The following ZNF398 variants were observed in gnomAD, a reference collection of about 807,000 sequenced individuals.
ZNF398 encodes zinc finger DNA binding protein ZER6.
A neutral mutation model predicts 41.9 loss-of-function variants in ZNF398; 18 were observed. That is an observed-to-expected ratio of 0.43 (90% CI 0.30 to 0.64). The LOEUF (loss-of-function observed/expected upper bound fraction) is 0.64. Among genes scored for constraint, ZNF398 ranks in the 30% least tolerant of loss-of-function variants. ZNF398 has a pLI of 0.14. For synonymous variants in ZNF398, 260 were observed against 308.8 expected, an observed-to-expected ratio of 0.84 and a Z score of 1.66; for missense variants, 669 against 822.8, an observed-to-expected ratio of 0.81 and a Z score of 2.29.
chr7:149,153,957 G>T lies in ZNF398; in HGVS notation c.37G>T (p.Asp13Tyr). 1.2e-6 allele frequency: 2 copies of T among 1,610,910 alleles called. No homozygotes were observed. The highest frequency in any genetic ancestry group is 1.7e-6 in the Non-Finnish European group (2 of 1,178,504). The part of the protein sequence containing the change: ...EAAPAPTSEW[D>Y]SECLTSLQPL... ...CCACTGCATGCAGACATCTGAATGG[G>T]ACTCCGAGTGCCTTACATCCCTGCA... Residue 13 changes from aspartate (D) to tyrosine (Y), a missense_variant, in exon 2 of 6, where the codon GAC (aspartate) becomes TAC (tyrosine). Transcript: ENST00000475153.
chr7:149,178,132 A>G (rs1450813657), intron 5 of ZNF398, among the ~76,000 whole-genome samples: 3 of 152,174 alleles, frequency 2.0e-5, no homozygotes, highest in Non-Finnish European at 4.4e-5. Context: ...TCTACTAAAA[A>G]GACAAAAAAA....
intron 2 of ZNF398, among the ~76,000 whole-genome samples, chr7:149,141,630 A>C (rs1347372872): frequency 6.6e-6 from 1 of 151,514 alleles, no homozygotes; most frequent in East Asian, 1.9e-4. Context: ...AATTTTTTGT[A>C]TTTTTAGTAG....
At position 149,182,666 on chromosome 7, in the gene ZNF398, G is replaced by A. The variant is rs1221727836; in HGVS notation, c.*2865G>A. ...ATCACACATAAGCACCATTCCCTTA[G>A]AGTGGATCCAGGTGTTGACTATAAC... On this transcript the variant is annotated 3_prime_UTR_variant, in exon 6 of 6. Transcript: ENST00000475153. 1.3e-5 allele frequency: 2 copies of A among 152,198 alleles called. No homozygotes were observed. The highest frequency in any genetic ancestry group is 4.8e-5 in the African/African-American group (2 of 41,444). 9.4% of individuals were successfully genotyped at this position (152,198 alleles called of 1,614,324 possible).
intron 2 of ZNF398, among the ~76,000 whole-genome samples, chr7:149,142,449 C>T (rs996875621): frequency 6.6e-6 from 1 of 152,072 alleles, no homozygotes; most frequent in African/African-American, 2.4e-5. Flanking sequence ...GGGCGGATCA[C>T]GAGGTCAGGA....
Position 149,182,567 on chromosome 7 carries a change from G to A in ZNF398, c.*2766G>A, listed in dbSNP as rs1291498311. On this transcript the variant is annotated 3_prime_UTR_variant, in exon 6 of 6. Transcript: ENST00000475153. ...ACATGAGAACTGCTTGTCATGACCA[G>A]ACAAGATAGGAAAGGGGAAACCCCA... 4 of 152,216 alleles carry A rather than the reference G, an allele frequency of 2.6e-5. No individual in the cohort carries two copies. Among genetic ancestry groups the A allele is most frequent in the Non-Finnish European group, 5.9e-5 (4 of 68,048 alleles). 9.4% of individuals were successfully genotyped at this position (152,216 alleles called of 1,614,324 possible).
At chr7:149,146,139 G>T (rs1826932738), upstream of ZNF398, among the ~76,000 whole-genome samples, 1 of 151,782 alleles carries the variant, frequency 6.6e-6, no homozygotes, top group South Asian at 2.1e-4. Context: ...TAGAGACGGG[G>T]TTTCACCATG....
chr7:149,155,730 A>ATTTTTTTTTTTTTT (rs148643688), intron 2 of ZNF398, among the ~76,000 whole-genome samples: 1 of 92,392 alleles, frequency 1.1e-5, no homozygotes, highest in Non-Finnish European at 2.0e-5. Flanking sequence ...TTTTTTTTTT[A>ATTTTTTTTTTTTTT]ATTTTTTTTT....
intron 4 of ZNF398, among the ~76,000 whole-genome samples, chr7:149,174,328 G>A (rs1795418666): frequency 6.6e-6 from 1 of 151,850 alleles, no homozygotes; most frequent in South Asian, 2.1e-4. Flanking sequence ...AGTAATTGTA[G>A]CTAGGCGCGT....
chr7:149,137,937 C>T (rs1463965433), intron 2 of ZNF398, among the ~76,000 whole-genome samples: 4 of 152,102 alleles, frequency 2.6e-5, no homozygotes, highest in Non-Finnish European at 5.9e-5. Flanking sequence ...CAGTGGCTCA[C>T]GCCTGCAATC....
At chr7:149,144,398 C>A (rs144684855), upstream of ZNF398, among the ~76,000 whole-genome samples, 98 of 152,186 alleles carry the variant, frequency 6.4e-4, 2 homozygotes, top group Middle Eastern at 3.4e-3. Flanking sequence ...GCAGCTTCAA[C>A]CTCCCTGGCT....
intron 2 of ZNF398, among the ~76,000 whole-genome samples, chr7:149,141,461 T>C (rs1826825016): frequency 7.1e-6 from 1 of 140,410 alleles, no homozygotes; most frequent in African/African-American, 2.5e-5. Flanking sequence ...TTTTTCTTTT[T>C]TTTTTTTTTT....
rs116377359 is a variant in ZNF398 at position 149,176,840 on chromosome 7, T to G, written c.775+259T>G. On this transcript the variant is annotated intron_variant, in intron 5 of 5. Coordinates refer to ENST00000475153, the MANE Select transcript of ZNF398 (RefSeq NM_170686.3). ...ACAAGTGCATACAGACGAACCAAAA[T>G]TATGGGGATGGGGAAAGACAGAAGA... 8.8e-3 allele frequency among the ~76,000 whole-genome samples: 1,334 copies of G among 152,054 alleles called. 9 individuals are homozygous for G. Among genetic ancestry groups the G allele is most frequent in the African/African-American group, 0.015 (641 of 41,472 alleles).
Position 149,178,656 on chromosome 7 carries a change from C to G in ZNF398, c.784C>G (p.Leu262Val). 1 of 1,612,284 alleles carries G rather than the reference C, an allele frequency of 6.2e-7. No homozygotes were observed. Among genetic ancestry groups the G allele is most frequent in the Non-Finnish European group, 8.5e-7 (1 of 1,179,296 alleles). ...GGAGTCTTTTCTTTCAGATGAAGAG[C>G]TTGTCATCAAAGCTGAAGGCCTTGC... ...VYKSTYADEE[L>V]VIKAEGLARS... is the part of the protein sequence containing the mutation. Residue 262 changes from leucine (L) to valine (V), a missense_variant, in exon 6 of 6, where the codon CTT (leucine) becomes GTT (valine). Leu to Val is a conservative substitution (Grantham distance 32). Around this residue, in one of 3 missense-constraint regions of ZNF398, gnomAD observed 290 missense variants for 292.9 expected, o/e 0.99. Transcript: ENST00000475153.
chr7:149,157,406 G>C (rs1342979016), intron 2 of ZNF398, among the ~76,000 whole-genome samples: 1 of 150,656 alleles, frequency 6.6e-6, no homozygotes. Flanking sequence ...GTGGTGGCGA[G>C]CGTCTGTAGT....
At chr7:149,168,936 A>G (rs983900904) in intron 4 of ZNF398, among the ~76,000 whole-genome samples, 1 of 152,226 alleles carries the variant, frequency 6.6e-6, no homozygotes, top group Non-Finnish European at 1.5e-5. Flanking sequence ...TATCACAGAT[A>G]TAAGTAATGA....
At chr7:149,163,218 T>G (rs570467231) in intron 2 of ZNF398, among the ~76,000 whole-genome samples, 23 of 151,816 alleles carry the variant, frequency 1.5e-4, no homozygotes, top group East Asian at 1.4e-3. Flanking sequence ...TTGTTTGTTT[T>G]TTTCAGACAG....
In ZNF398 at chr7:149,147,907, G is replaced by T; in HGVS notation, c.24+141G>T. 2.8e-6 allele frequency: 3 copies of T among 1,080,382 alleles called. No homozygotes were observed. The highest frequency in any genetic ancestry group is 3.6e-6 in the Non-Finnish European group (3 of 836,274). The allele number at this position is 1,080,382 out of a possible 1,614,324, so 66.9% of individuals were successfully genotyped here. ...CGTCGCCTGTCGCCCGTGCTTGGCG[G>T]CTGCAGCCTCGCGTGAGGGGACTTA... On this transcript the variant is annotated intron_variant, in intron 1 of 5. Coordinates refer to ENST00000475153, the MANE Select transcript of ZNF398 (RefSeq NM_170686.3). The surrounding 1 kb of genome is among the most constrained non-coding windows in gnomAD (Gnocchi z 5.6).
chr7:149,177,657 C>G (rs1795491036), intron 5 of ZNF398, among the ~76,000 whole-genome samples: 1 of 152,168 alleles, frequency 6.6e-6, no homozygotes, highest in Admixed American at 6.6e-5. Flanking sequence ...AAAGAGACAG[C>G]TGACCACAGT....
chr7:149,131,340 G>T (rs940036469), intron 2 of ZNF398, among the ~76,000 whole-genome samples: 1 of 152,132 alleles, frequency 6.6e-6, no homozygotes, highest in Non-Finnish European at 1.5e-5. Context: ...TTCTCAGGTT[G>T]ATAAATATGG....
Sources: gnomAD v4.1 joint callset for allele counts (sites outside exome capture counted in the v4.1 genomes callset) on GRCh38, gnomAD v4.1.1 for gene constraint, gnomAD v4.1.1 regional missense constraint, Gnocchi (gnomAD v3.1) non-coding constraint, MANE v1.5 for transcripts, NCBI Gene and HGNC (gene_info 2026-07-23, HGNC 2026-07-21) for gene names.